CAMKMT: variants seen among roughly 807,000 people sequenced by gnomAD.
CAMKMT encodes the protein calmodulin-lysine N-methyltransferase, also known as CaM KMT.
CAMKMT carries 53 observed loss-of-function variants against 48.0 expected under a neutral mutation model. The ratio of observed to expected loss-of-function variants is 1.10; its 90% CI spans 0.89 to 1.39. The LOEUF is 1.39. Ranked by LOEUF, CAMKMT falls within the 40% of genes most tolerant of loss-of-function variation. The probability of loss-of-function intolerance (pLI) is 0.00; values close to 1 mark genes in which losing one functional copy is unlikely to be tolerated. For missense variants in CAMKMT, 428 were observed against 402.7 expected (o/e 1.06, Z -0.54); for synonymous variants, 165 against 152.3 (o/e 1.08, Z -0.61).
intron 3 of CAMKMT, among the ~76,000 whole-genome samples, chr2:44,611,296 G>T (rs1455870607): frequency 1.3e-5 from 2 of 152,028 alleles, no homozygotes; most frequent in African/African-American, 4.8e-5. Context: ...AGCTGGGTGT[G>T]GTGGTACACA....
At chr2:44,527,061 C>A (rs1393694248) in intron 3 of CAMKMT, among the ~76,000 whole-genome samples, 1 of 148,962 alleles carries the variant, frequency 6.7e-6, no homozygotes, top group East Asian at 2.0e-4. Context: ...TTCCTCCAGC[C>A]CCCTTATTCC....
intron 3 of CAMKMT, among the ~76,000 whole-genome samples, chr2:44,629,171 G>C (rs1672664616): frequency 1.3e-5 from 2 of 151,924 alleles, no homozygotes; most frequent in African/African-American, 4.8e-5. Context: ...ATTTCTATCA[G>C]CTTCTGCTTC....
At chr2:44,435,763 C>T (rs1450698882) in intron 3 of CAMKMT, among the ~76,000 whole-genome samples, 1 of 152,202 alleles carries the variant, frequency 6.6e-6, no homozygotes, top group African/African-American at 2.4e-5. Context: ...TGTTCTCATT[C>T]ACATAGCAGA....
intron 3 of CAMKMT, among the ~76,000 whole-genome samples, chr2:44,424,373 A>G (rs974473120): frequency 5.9e-5 from 9 of 152,082 alleles, no homozygotes; most frequent in Admixed American, 1.3e-4. Flanking sequence ...TTATGGGCTT[A>G]CAACTCTAAG....
At chr2:44,416,367 T>C (rs1265180933) in intron 3 of CAMKMT, among the ~76,000 whole-genome samples, 2 of 152,152 alleles carry the variant, frequency 1.3e-5, no homozygotes, top group Admixed American at 1.3e-4. Context: ...TTTGAAAGTT[T>C]TATACATTCA....
chr2:44,448,596 A>G (rs754087893), intron 3 of CAMKMT, among the ~76,000 whole-genome samples: 1 of 152,196 alleles, frequency 6.6e-6, no homozygotes, highest in African/African-American at 2.4e-5. Flanking sequence ...CTATCTTGTA[A>G]GTTAACCTTA....
rs1006854043 is a variant in CAMKMT, at chr2:44,653,841, G to A, written c.377-50442G>A. Among the ~76,000 whole-genome samples the A allele has an allele frequency of 2.6e-5, 4 of 152,176 alleles. No homozygotes were observed. Among genetic ancestry groups the A allele is most frequent in the African/African-American group, 9.7e-5 (4 of 41,448 alleles). ...GTGCCTAGAACAAAACTGACACATA[G>A]TAGACATCAATTAATATTTGTTGAG... On this transcript the variant is annotated intron_variant, in intron 3 of 10. Coordinates refer to ENST00000378494, the MANE Select transcript of CAMKMT (RefSeq NM_024766.5). The surrounding 1 kb of genome is among the most constrained non-coding windows in gnomAD (Gnocchi z 5.2).
At chr2:44,564,827 A>G (rs900644402) in intron 3 of CAMKMT, among the ~76,000 whole-genome samples, 19 of 152,194 alleles carry the variant, frequency 1.2e-4, no homozygotes, top group Non-Finnish European at 2.6e-4. Flanking sequence ...GGCGTGAGCT[A>G]CCACACCCGG....
chr2:44,606,025 C>G (rs907317886), intron 3 of CAMKMT, among the ~76,000 whole-genome samples: 3 of 152,104 alleles, frequency 2.0e-5, no homozygotes, highest in African/African-American at 7.2e-5. Context: ...TTTGAGCCTG[C>G]ACCTAATAAT....
At chr2:44,682,862 G>A (rs1190846094) in intron 3 of CAMKMT, among the ~76,000 whole-genome samples, 1 of 152,140 alleles carries the variant, frequency 6.6e-6, no homozygotes, top group Non-Finnish European at 1.5e-5. Flanking sequence ...CTTTTATTAT[G>A]ATTGGAATGC....
chr2:44,698,891 C>T (rs1407394372), intron 3 of CAMKMT, among the ~76,000 whole-genome samples: 1 of 152,188 alleles, frequency 6.6e-6, no homozygotes, highest in African/African-American at 2.4e-5. Context: ...ATGTAATATT[C>T]TAAATCCTTT....
chr2:44,768,361 A>ATATATATATATATATTTATTTTTTT (rs35058824), intron 10 of CAMKMT, among the ~76,000 whole-genome samples: 1 of 115,728 alleles, frequency 8.6e-6, no homozygotes, highest in African/African-American at 3.7e-5. Flanking sequence ...ATATATATAT[A>ATATATATATATATATTTATTTTTTT]TTTTTTTTTT....
At chr2:44,490,503 G>C (rs1669442504) in intron 3 of CAMKMT, among the ~76,000 whole-genome samples, 2 of 152,064 alleles carry the variant, frequency 1.3e-5, no homozygotes, top group Non-Finnish European at 2.9e-5. Context: ...TCGAACTCCC[G>C]ACCTCAGGTG....
rs544075654 is a variant in CAMKMT, at chr2:44,387,370, C to G, written c.312-2871C>G. Among the ~76,000 whole-genome samples, 7 of 151,668 alleles carry G rather than the reference C, an allele frequency of 4.6e-5. No homozygotes were observed. The South Asian group carries it at 1.2e-3, about 27-fold the overall frequency. ...TTTTGGTATCCATTTGCATGAAATGCCTTTTTCCACCCCTTTAAGTTAAGT... is the reference window on the plus strand; with the variant it reads ...TTTTGGTATCCATTTGCATGAAATGGCTTTTTCCACCCCTTTAAGTTAAGT... On this transcript the variant is annotated intron_variant, in intron 2 of 10. Transcript: ENST00000378494.
chr2:44,695,157 T>A lies in CAMKMT; in HGVS notation c.377-9126T>A, dbSNP rs182692154. On this transcript the variant is annotated intron_variant, in intron 3 of 10. Transcript: ENST00000378494. ...AAGTGCTATAATTTTCAGATAAGCA[T>A]TATAATCTATTTTTTTAAACTTTTA... is the stretch of plus-strand genomic sequence containing the variant. Among the ~76,000 whole-genome samples the A allele has an allele frequency of 2.2e-3, 333 of 152,322 alleles. 2 individuals are homozygous for A. The highest frequency in any genetic ancestry group is 1.3e-3 in the Non-Finnish European group (88 of 68,026).
At chr2:44,617,053 G>A (rs1392212000) in intron 3 of CAMKMT, among the ~76,000 whole-genome samples, 1 of 152,306 alleles carries the variant, frequency 6.6e-6, no homozygotes, top group East Asian at 1.9e-4. Flanking sequence ...TGATAGTGCC[G>A]TGAATGTCAT....
intron 4 of CAMKMT, among the ~76,000 whole-genome samples, 177 bp downstream of exon 4, chr2:44,704,520 C>T (rs750937842): frequency 2.0e-5 from 3 of 152,044 alleles, no homozygotes; most frequent in Non-Finnish European, 4.4e-5. Context: ...ACACATGTTG[C>T]TTCTCAAGTG....
intron 3 of CAMKMT, chr2:44,400,923 T>C (rs1015346022): frequency 0.017 from 391 of 22,696 alleles, 1 homozygote; most frequent in African/African-American, 0.1. Flanking sequence ...TGTATACTTA[T>C]GTGTGTGTAT....
chr2:44,633,108 A>G (rs1387921796), intron 3 of CAMKMT, among the ~76,000 whole-genome samples: 2 of 151,846 alleles, frequency 1.3e-5, no homozygotes, highest in Non-Finnish European at 1.5e-5. Flanking sequence ...TTTTCATTCC[A>G]TTGTCCCCTG....
Sources: gnomAD v4.1 joint callset for allele counts (sites outside exome capture counted in the v4.1 genomes callset) on GRCh38, gnomAD v4.1.1 for gene constraint, Gnocchi (gnomAD v3.1) non-coding constraint, MANE v1.5 for transcripts, NCBI Gene and HGNC (gene_info 2026-07-23, HGNC 2026-07-21) for gene names.